The following AAK1 variants were observed in gnomAD, a reference collection of about 807,000 sequenced individuals.
AAK1 encodes the protein AP2 associated kinase 1.
Under a neutral mutation model 116.0 loss-of-function variants are expected in AAK1, and 37 were observed. The observed-to-expected ratio is 0.32, with a 90% CI of 0.25 to 0.42. The LOEUF (loss-of-function observed/expected upper bound fraction) is 0.42. Among genes scored for constraint, AAK1 ranks in the 10% least tolerant of loss-of-function variants. The pLI is 1.00. For missense variants in AAK1, 919 were observed against 1,170.6 expected, an observed-to-expected ratio of 0.79 and a Z score of 3.14; for synonymous variants, 458 against 439.9, an observed-to-expected ratio of 1.04 and a Z score of -0.51.
chr2:69,587,000 C>T (rs1672794323), intron 2 of AAK1, among the ~76,000 whole-genome samples: 1 of 152,116 alleles, frequency 6.6e-6, no homozygotes, highest in African/African-American at 2.4e-5. Context: ...AGGCTGGGTC[C>T]TTCTTCCATA....
intron 2 of AAK1, among the ~76,000 whole-genome samples, chr2:69,611,893 C>T (rs1446879346): frequency 6.6e-6 from 1 of 152,300 alleles, no homozygotes; most frequent in African/African-American, 2.4e-5. Flanking sequence ...ATAAGCCACT[C>T]ACAAAAAGCA....
Position 69,465,904 on chromosome 2 carries a change from T to C in AAK1, c.*9965A>G. ...GGCAGGGGGACATCACCTGTCTGAC[T>C]GAGGAGACCGGTCTGTGCAGGCAGC... On this transcript the variant is annotated 3_prime_UTR_variant, in exon 22 of 22. Coordinates refer to ENST00000409085, the MANE Select transcript of AAK1 (RefSeq NM_014911.5). 7.7e-7 allele frequency: 1 copy of C among 1,290,860 alleles called. No individual in the cohort carries two copies. Among genetic ancestry groups the C allele is most frequent in the Non-Finnish European group, 1.0e-6 (1 of 988,854 alleles). The allele number at this position is 1,290,860 out of a possible 1,614,324, so 80.0% of individuals were successfully genotyped here. A position where few individuals can be genotyped will look rare whatever the true frequency, so the allele number is the denominator to read the frequency against.
rs780005625 is a variant in AAK1, at chr2:69,461,665, G to T, written c.*14204C>A. ...GCTGGAGTGCAATGACACAATCTTG[G>T]CTCACTGCAAAGTCTGCCTCCCTGG... On this transcript the variant is annotated 3_prime_UTR_variant, in exon 22 of 22. Coordinates refer to ENST00000409085, the MANE Select transcript of AAK1 (RefSeq NM_014911.5). 16 of 435,560 alleles carry T rather than the reference G, an allele frequency of 3.7e-5. 1 individual carries two copies. Among genetic ancestry groups the T allele is most frequent in the South Asian group, 2.6e-4 (16 of 62,222 alleles). The allele number at this position is 435,560 out of a possible 1,614,324, so 27.0% of individuals were successfully genotyped here. A position where few individuals can be genotyped will look rare whatever the true frequency, so the allele number is the denominator to read the frequency against.
intron 17 of AAK1, among the ~76,000 whole-genome samples, chr2:69,488,081 G>A (rs1675371705): frequency 6.6e-6 from 1 of 151,690 alleles, no homozygotes; most frequent in African/African-American, 2.4e-5. Flanking sequence ...GCCAAGTTTT[G>A]CATTAGTTTT....
At chr2:69,566,211 C>T (rs937041992) in intron 2 of AAK1, among the ~76,000 whole-genome samples, 12 of 152,224 alleles carry the variant, frequency 7.9e-5, no homozygotes, top group African/African-American at 2.6e-4. Context: ...CCAAAAGCTT[C>T]GGAAGGAACA....
chr2:69,591,287 G>C (rs1214734579), intron 2 of AAK1, among the ~76,000 whole-genome samples: 1 of 152,084 alleles, frequency 6.6e-6, no homozygotes, highest in African/African-American at 2.4e-5. Flanking sequence ...AATAACTGGT[G>C]ATCAATCAAA....
rs1314412822 is a variant in AAK1, at chr2:69,519,016, G to A, written c.1435C>T (p.Pro479Ser). The change falls in exon 12 of 22, where the codon CCG becomes TCG. Residue 479 changes from proline to serine, a missense_variant. Coordinates refer to ENST00000409085, the MANE Select transcript of AAK1 (RefSeq NM_014911.5). ...CCTGCCGGCTGCTGCTGTGCTGGCG[G>A]TGGCTGTTGCTGCTGCTGTTGCTGC... The part of the protein sequence containing the change: ...LKQQQQQQQP[P>S]PAQQQPAGTF... 8 of 1,549,712 alleles carry A rather than the reference G, an allele frequency of 5.2e-6. No homozygotes were observed. The highest frequency in any genetic ancestry group is 2.0e-5 in the Admixed American group (1 of 50,976).
At position 69,475,117 on chromosome 2, in the gene AAK1, G is replaced by A. The variant is rs1041746925; in HGVS notation, c.*752C>T. ...TTGGGATTTATATAACGTACACATT[G>A]TATCCAAGGATCTCAAATACTTGCA... is the stretch of plus-strand genomic sequence containing the variant. On this transcript the variant is annotated 3_prime_UTR_variant, in exon 22 of 22. Coordinates refer to ENST00000409085, the MANE Select transcript of AAK1 (RefSeq NM_014911.5). 1 of 985,756 alleles carries A rather than the reference G, an allele frequency of 1.0e-6. No individual in the cohort carries two copies. The highest frequency in any genetic ancestry group is 1.2e-6 in the Non-Finnish European group (1 of 829,888). 61.1% of individuals were successfully genotyped at this position (985,756 alleles called of 1,614,324 possible).
chr2:69,590,281 C>T (rs1242147018), intron 2 of AAK1, among the ~76,000 whole-genome samples: 1 of 152,236 alleles, frequency 6.6e-6, no homozygotes, highest in Non-Finnish European at 1.5e-5. Context: ...AAACCACCCA[C>T]TTTTCGTTGG....
intron 16 of AAK1, among the ~76,000 whole-genome samples, chr2:69,502,286 CACAAACAAT>C (rs1226436115): frequency 6.6e-6 from 1 of 152,030 alleles, no homozygotes; most frequent in Non-Finnish European, 1.5e-5. Flanking sequence ...AGGCAAAGGA[CACAAACAAT>C]ACAATCTCAA....
intron 13 of AAK1, 29 bp from the exon 14 acceptor site, chr2:69,509,489 C>T (rs1335345994): frequency 1.3e-6 from 2 of 1,529,848 alleles, no homozygotes; most frequent in South Asian, 1.2e-5. Context: ...GAAAGTGTTT[C>T]ATTAAATTAA....
intron 3 of AAK1, among the ~76,000 whole-genome samples, chr2:69,546,934 T>C (rs1173254676): frequency 2.0e-5 from 3 of 152,220 alleles, no homozygotes; most frequent in Non-Finnish European, 4.4e-5. Context: ...AGCAAGATCT[T>C]ACCTGTGAGG....
At chr2:69,586,977 A>C (rs1672793157) in intron 2 of AAK1, among the ~76,000 whole-genome samples, 1 of 152,122 alleles carries the variant, frequency 6.6e-6, no homozygotes, top group African/African-American at 2.4e-5. Flanking sequence ...ATCTTCAAGG[A>C]ACAAGGGACT....
At chr2:69,631,365 T>A (rs1156728198) in intron 2 of AAK1, among the ~76,000 whole-genome samples, 1 of 152,266 alleles carries the variant, frequency 6.6e-6, no homozygotes, top group East Asian at 1.9e-4. Flanking sequence ...CAGGCATCAT[T>A]ATTTAAGCTC....
intron 2 of AAK1, among the ~76,000 whole-genome samples, chr2:69,629,058 C>T (rs1426898742): frequency 1.3e-5 from 2 of 152,222 alleles, no homozygotes; most frequent in African/African-American, 4.8e-5. Context: ...GTCTTCTCCA[C>T]ACTCCGACCT....
rs981294306 is a variant in AAK1, at chr2:69,495,427, G to C, written c.2365+558C>G. Among the ~76,000 whole-genome samples, 24 of 152,158 alleles carry C rather than the reference G, an allele frequency of 1.6e-4. 2 individuals are homozygous for C. The highest frequency in any genetic ancestry group is 1.6e-4 in the Non-Finnish European group (11 of 68,032). On this transcript the variant is annotated intron_variant, in intron 17 of 21. Transcript: ENST00000409085. ...CTTCACTGATGAAGAACCAAGCCCA[G>C]AAGGTTTTCAGGTAGCGGCAGAGCC...
At chr2:69,543,287 C>A (rs1670796652) in intron 4 of AAK1, among the ~76,000 whole-genome samples, 1 of 152,150 alleles carries the variant, frequency 6.6e-6, no homozygotes, top group Non-Finnish European at 1.5e-5. Context: ...CAGGAGGAAA[C>A]AAACGGTCAA....
chr2:69,468,342 A>AT lies in AAK1; in HGVS notation c.*7526dup, dbSNP rs1027836642. 1 of 985,324 alleles carries AT rather than the reference A, an allele frequency of 1.0e-6. No individual in the cohort carries two copies. The highest frequency in any genetic ancestry group is 1.7e-5 in the African/African-American group (1 of 57,238). 61.0% of individuals were successfully genotyped at this position (985,324 alleles called of 1,614,324 possible). On this transcript the variant is annotated 3_prime_UTR_variant, in exon 22 of 22. Coordinates refer to ENST00000409085, the MANE Select transcript of AAK1 (RefSeq NM_014911.5). ...GGAAATTCAAATAAAAGGGAGAAAA[A>AT]TAAGTTTTCCAAAATAAGGTTTGCA...
intron 2 of AAK1, among the ~76,000 whole-genome samples, chr2:69,605,675 T>C (rs1218840309): frequency 1.3e-5 from 2 of 152,212 alleles, no homozygotes; most frequent in African/African-American, 4.8e-5. Context: ...CTCATATGTA[T>C]GTGTAGTTGT....
Sources: gnomAD v4.1 joint callset for allele counts (sites outside exome capture counted in the v4.1 genomes callset) on GRCh38, gnomAD v4.1.1 for gene constraint, MANE v1.5 for transcripts, NCBI Gene and HGNC (gene_info 2026-07-23, HGNC 2026-07-21) for gene names.